The following CELSR3 variants were observed in gnomAD, a reference collection of about 807,000 sequenced individuals.
CELSR3 encodes the protein EGF-like protein 1.
A neutral mutation model predicts 270.0 loss-of-function variants in CELSR3; 73 were observed. The ratio of observed to expected loss-of-function variants is 0.27; its 90% CI spans 0.22 to 0.33. The LOEUF is 0.33. Ranked by LOEUF, CELSR3 falls within the 10% of genes least tolerant of loss-of-function variation. The pLI is 1.00. For missense variants in CELSR3, 3,614 were observed against 4,533.8 expected (o/e 0.80, Z 5.83); for synonymous variants, 1,780 against 1,905.4 (o/e 0.93, Z 1.71).
rs980807856 is a variant in CELSR3 at position 48,656,268 on chromosome 3, G to A, written c.4497C>T (p.Arg1499=). 5.2e-6 allele frequency: 8 copies of A among 1,533,094 alleles called. No individual in the cohort carries two copies. Among genetic ancestry groups the A allele is most frequent in the Admixed American group, 3.9e-5 (2 of 50,918 alleles). The allele number at this position is 1,533,094 out of a possible 1,614,324, so 95.0% of individuals were successfully genotyped here. ...TCTDAPNGGF[R]CQCPAGGAFE... ...AGGCGCCGCCTGCCGGGCACTGGCA[G>A]CGAAAGCCGCCGTTGGGCGCGTCGG... The change falls in exon 3 of 35, where the codon CGC becomes CGT. Residue 1499 remains arginine, a synonymous_variant. Transcript: ENST00000164024.
At chr3:48,649,749 G>T (rs1165776516) in intron 16 of CELSR3, among the ~76,000 whole-genome samples, 1 of 152,138 alleles carries the variant, frequency 6.6e-6, no homozygotes, top group African/African-American at 2.4e-5. Context: ...AATGAGAATT[G>T]ACTTGGATCT....
chr3:48,644,013 A>G lies in CELSR3; in HGVS notation c.8165+203T>C, dbSNP rs2047054851. The G allele has an allele frequency of 3.4e-6, 2 of 594,334 alleles. No individual in the cohort carries two copies. The highest frequency in any genetic ancestry group is 3.0e-5 in the Admixed American group (1 of 32,908). The allele number at this position is 594,334 out of a possible 1,614,324, so 36.8% of individuals were successfully genotyped here. On this transcript the variant is annotated intron_variant, in intron 27 of 34. Coordinates refer to ENST00000164024, the MANE Select transcript of CELSR3 (RefSeq NM_001407.3). The surrounding 1 kb of genome is among the most constrained non-coding windows in gnomAD (Gnocchi z 4.8). ...CTGGGGGGACCCAGAGGACAAGGAG[A>G]GACAGCAGGGCAGAAGCACATGTGG...
At position 48,642,905 on chromosome 3, in the gene CELSR3, G is replaced by A. The variant is rs2047042623; in HGVS notation, c.8407-21C>T. The A allele has an allele frequency of 6.2e-7, 1 of 1,612,346 alleles. No homozygotes were observed. The highest frequency in any genetic ancestry group is 2.2e-5 in the East Asian group (1 of 44,878). On this transcript the variant is annotated intron_variant, in intron 29 of 34. Transcript: ENST00000164024. This position sits in a 1 kb window ranked among gnomAD's most constrained non-coding sequence, Gnocchi z 6.1. ...GGTCCCTGGGGGTGGTAGGGACAGAGTGTGAGCTAACCCTGAAGCAGCCTA... is the reference window on the plus strand; with the variant it reads ...GGTCCCTGGGGGTGGTAGGGACAGAATGTGAGCTAACCCTGAAGCAGCCTA...
chr3:48,651,708 G>T lies in CELSR3; in HGVS notation c.5934C>A (p.Gly1978=). The T allele has an allele frequency of 6.4e-7, 1 of 1,551,982 alleles. No homozygotes were observed. The highest frequency in any genetic ancestry group is 8.7e-7 in the Non-Finnish European group (1 of 1,153,610). The part of the protein sequence containing the change: ...FSCTCQPGYY[G]PGCVDACLLN... ...GGAGGCAGGCATCCACACAGCCTGGGCCGTAGTAACCTGCAGATTGGGTCA... is the reference window on the plus strand; with the variant it reads ...GGAGGCAGGCATCCACACAGCCTGGTCCGTAGTAACCTGCAGATTGGGTCA... The change falls in exon 13 of 35, where the codon GGC becomes GGA. Residue 1978 remains glycine, a synonymous_variant. Transcript: ENST00000164024. The surrounding 1 kb of genome is among the most constrained non-coding windows in gnomAD (Gnocchi z 7.4).
chr3:48,639,754 A>C lies in CELSR3; in HGVS notation c.9831T>G (p.Ser3277=), dbSNP rs758898272. The change falls in exon 34 of 35, where the codon TCT becomes TCG. Residue 3277 remains serine, a synonymous_variant. Transcript: ENST00000164024. This position sits in a 1 kb window ranked among gnomAD's most constrained non-coding sequence, Gnocchi z 4.1. ...PLGPHTTATP[S]ATASVLGPST... ...AGGGCCCAAGCACAGAGGCTGTGGC[A>C]GAAGGTGTGGCAGTGGTGTGAGGGC... is the stretch of plus-strand genomic sequence containing the variant. The C allele has an allele frequency of 6.2e-7, 1 of 1,613,704 alleles. No homozygotes were observed. Among genetic ancestry groups the C allele is most frequent in the East Asian group, 2.2e-5 (1 of 44,878 alleles).
rs763316177 is a variant in CELSR3 at position 48,641,379 on chromosome 3, C to A, written c.8970G>T (p.Pro2990=). Residue 2990 remains proline (P), a synonymous_variant, in exon 33 of 35, where the codon CCG becomes CCT. Transcript: ENST00000164024. This position sits in a 1 kb window ranked among gnomAD's most constrained non-coding sequence, Gnocchi z 4.8. ...AAGTCTCATCCCCACTGGTCAGGGC[C>A]GGGTCTGGCTGGTTGTTGTTAGCTG... ...KDAANNNQPD[P]ALTSGDETSL... The A allele has an allele frequency of 3.1e-5, 50 of 1,612,606 alleles. No individual in the cohort carries two copies. The highest frequency in any genetic ancestry group is 4.2e-5 in the Non-Finnish European group (49 of 1,179,834).
rs1453765862 is a variant in CELSR3 at position 48,637,944 on chromosome 3, G to A, written c.*261C>T. 1 of 441,910 alleles carries A rather than the reference G, an allele frequency of 2.3e-6. No homozygotes were observed. The highest frequency in any genetic ancestry group is 4.1e-6 in the Non-Finnish European group (1 of 243,386). The allele number at this position is 441,910 out of a possible 1,614,324, so 27.4% of individuals were successfully genotyped here. On this transcript the variant is annotated 3_prime_UTR_variant, in exon 35 of 35. Coordinates refer to ENST00000164024, the MANE Select transcript of CELSR3 (RefSeq NM_001407.3). ...AAACCCCCCAGGAGACAGAAAAGCT[G>A]AAAAATAACATAAGCATCTCTCTGG... is the stretch of plus-strand genomic sequence containing the variant.
Position 48,639,621 on chromosome 3 carries a change from G to C in CELSR3, c.9911+53C>G. 1 of 1,590,012 alleles carries C rather than the reference G, an allele frequency of 6.3e-7. No homozygotes were observed. Among genetic ancestry groups the C allele is most frequent in the South Asian group, 1.1e-5 (1 of 87,898 alleles). On this transcript the variant is annotated intron_variant, in intron 34 of 34. Coordinates refer to ENST00000164024, the MANE Select transcript of CELSR3 (RefSeq NM_001407.3). The surrounding 1 kb of genome is among the most constrained non-coding windows in gnomAD (Gnocchi z 4.1). ...GGCAGAACACAGGGCAGGGCACACA[G>C]GAGGTTGCCCTAAGCTGATGAGGGT... is the stretch of plus-strand genomic sequence containing the variant.
At position 48,660,511 on chromosome 3, in the gene CELSR3, G is replaced by A. The variant is rs759511817; in HGVS notation, c.2124C>T (p.Val708=). ...PFVINSATGW[V]SVSGPLDRES... ...CACGGTCCAGGGGACCACTCACAGA[G>A]ACCCAGCCAGTGGCGCTGTTTATCA... The change falls in exon 1 of 35, where the codon GTC becomes GTT. Residue 708 remains valine, a synonymous_variant. Transcript: ENST00000164024. The surrounding 1 kb of genome is among the most constrained non-coding windows in gnomAD (Gnocchi z 5.5). 2 of 1,614,062 alleles carry A rather than the reference G, an allele frequency of 1.2e-6. No individual in the cohort carries two copies. The highest frequency in any genetic ancestry group is 2.7e-5 in the African/African-American group (2 of 74,924).
At position 48,651,216 on chromosome 3, in the gene CELSR3, G is replaced by T; in HGVS notation, c.6187-141C>A. 3 of 1,467,986 alleles carry T rather than the reference G, an allele frequency of 2.0e-6. No individual in the cohort carries two copies. The highest frequency in any genetic ancestry group is 2.3e-5 in the East Asian group (1 of 43,908). 90.9% of individuals were successfully genotyped at this position (1,467,986 alleles called of 1,614,324 possible). ...TGCGTGAAGCCAAGGGAGGGGTCAC[G>T]GGTAAAGGATGAGAGACAGCAACTT... On this transcript the variant is annotated intron_variant, in intron 14 of 34. Transcript: ENST00000164024. The surrounding 1 kb of genome is among the most constrained non-coding windows in gnomAD (Gnocchi z 7.4).
rs2047089736 is a variant in CELSR3 at position 48,646,913 on chromosome 3, C to A, written c.7145G>T (p.Ser2382Ile). Residue 2382 changes from serine (S) to isoleucine (I), a missense_variant, in exon 21 of 35, where the codon AGC becomes ATC. Physicochemically the swap from Ser to Ile is moderately radical, Grantham distance 142. Around this residue, in one of 7 missense-constraint regions of CELSR3, gnomAD observed 1,240 missense variants for 1,351.7 expected, o/e 0.92. Transcript: ENST00000164024. The surrounding 1 kb of genome is among the most constrained non-coding windows in gnomAD (Gnocchi z 4.8). ...PSPSEVLPTSSSIENSTTSSV... is the reference protein window; with the variant it reads ...PSPSEVLPTSISIENSTTSSV... Reference sequence around the variant, plus strand: ...TGAGGTGGTGGAGTTTTCTATGCTGCTGCTTGTGGGCAGAACTGCCAGGAG... The same window carrying A: ...TGAGGTGGTGGAGTTTTCTATGCTGATGCTTGTGGGCAGAACTGCCAGGAG... 1.3e-6 allele frequency: 2 copies of A among 1,549,646 alleles called. No homozygotes were observed. The highest frequency in any genetic ancestry group is 1.7e-6 in the Non-Finnish European group (2 of 1,153,540).
Position 48,644,354 on chromosome 3 carries a change from GGCAATGAGAGAC to G in CELSR3, c.8086-71_8086-60del. On this transcript the variant is annotated intron_variant, in intron 26 of 34. Coordinates refer to ENST00000164024, the MANE Select transcript of CELSR3 (RefSeq NM_001407.3). The surrounding 1 kb of genome is among the most constrained non-coding windows in gnomAD (Gnocchi z 4.8). ...GGGCAGAGAGAGAGAGAGAGAGAGA[GGCAATGAGAGAC>G]AGAGAGAGACTAAGATTCACGGAGA... 50 of 1,403,332 alleles carry G rather than the reference GGCAATGAGAGAC, an allele frequency of 3.6e-5. No individual in the cohort carries two copies. The highest frequency in any genetic ancestry group is 4.8e-5 in the Non-Finnish European group (48 of 995,912). 86.9% of individuals were successfully genotyped at this position (1,403,332 alleles called of 1,614,324 possible). A position where few individuals can be genotyped will look rare whatever the true frequency, so the allele number is the denominator to read the frequency against.
chr3:48,656,318 C>T lies in CELSR3; in HGVS notation c.4447G>A (p.Val1483Ile). 2 of 1,458,630 alleles carry T rather than the reference C, an allele frequency of 1.4e-6. No individual in the cohort carries two copies. The highest frequency in any genetic ancestry group is 2.8e-5 in the Admixed American group (1 of 35,284). 90.4% of individuals were successfully genotyped at this position (1,458,630 alleles called of 1,614,324 possible). Residue 1483 changes from valine (V) to isoleucine (I), a missense_variant, in exon 3 of 35, where the codon GTC becomes ATC. Transcript: ENST00000164024. ...DTEAGRCVPG[V>I]CRNGGTCTDA... Reference sequence around the variant, plus strand: ...GTGCAGGTGCCCCCGTTGCGGCAGACGCCCGGCACGCAGCGGCCGGCCTCG... The same window carrying T: ...GTGCAGGTGCCCCCGTTGCGGCAGATGCCCGGCACGCAGCGGCCGGCCTCG...
rs1283682197 is a variant in CELSR3 at position 48,640,683 on chromosome 3, C to G, written c.9026-124G>C. 22 of 1,114,994 alleles carry G rather than the reference C, an allele frequency of 2.0e-5. No homozygotes were observed. The highest frequency in any genetic ancestry group is 2.6e-5 in the Non-Finnish European group (21 of 807,482). 69.1% of individuals were successfully genotyped at this position (1,114,994 alleles called of 1,614,324 possible). On this transcript the variant is annotated intron_variant, in intron 33 of 34. Transcript: ENST00000164024. This position sits in a 1 kb window ranked among gnomAD's most constrained non-coding sequence, Gnocchi z 7.5. ...CAACACAGGGATGGGAGCAGGAACC[C>G]CTTGGGGAGCAGCAGAGGCAACCCT...
At position 48,662,677 on chromosome 3, in the gene CELSR3, C is replaced by T. The variant is rs2077078742; in HGVS notation, c.-43G>A. ...GGCCTCCACCGCCCCCCGCCCCGGT[C>T]CGGGCCTTGGGCTGGCCCCGCCGCT... On this transcript the variant is annotated 5_prime_UTR_variant, in exon 1 of 35. Coordinates refer to ENST00000164024, the MANE Select transcript of CELSR3 (RefSeq NM_001407.3). This position sits in a 1 kb window ranked among gnomAD's most constrained non-coding sequence, Gnocchi z 7.1. 9.5e-7 allele frequency: 1 copy of T among 1,051,258 alleles called. No homozygotes were observed. The highest frequency in any genetic ancestry group is 1.3e-6 in the Non-Finnish European group (1 of 790,500). 65.1% of individuals were successfully genotyped at this position (1,051,258 alleles called of 1,614,324 possible). A position where few individuals can be genotyped will look rare whatever the true frequency, so the allele number is the denominator to read the frequency against.
rs2047056615 is a variant in CELSR3, at chr3:48,644,205, A to G, written c.8165+11T>C. 6.2e-7 allele frequency: 1 copy of G among 1,601,288 alleles called. No homozygotes were observed. ...CCTGAGAAGCCCCCTTCCTCCAGCC[A>G]GCCAACTCACAGTGCAGAGGTCTTC... On this transcript the variant is annotated intron_variant, in intron 27 of 34. Transcript: ENST00000164024. This position sits in a 1 kb window ranked among gnomAD's most constrained non-coding sequence, Gnocchi z 4.8.
In CELSR3 at chr3:48,642,480, G is replaced by A; in HGVS notation, c.8556-13C>T. The A allele has an allele frequency of 6.2e-7, 1 of 1,610,306 alleles. No individual in the cohort carries two copies. The highest frequency in any genetic ancestry group is 8.5e-7 in the Non-Finnish European group (1 of 1,178,470). On this transcript the variant is annotated splice_polypyrimidine_tract_variant and intron_variant, in intron 30 of 34. Transcript: ENST00000164024. The surrounding 1 kb of genome is among the most constrained non-coding windows in gnomAD (Gnocchi z 6.1). The stretch of plus-strand genomic sequence containing the variant: ...CAGGACATTGTCCCTGGAAAAGCAG[G>A]AGCCCCCCCACCATGAAAGAGGGAT...
At position 48,659,411 on chromosome 3, in the gene CELSR3, C is replaced by G. The variant is rs368443183; in HGVS notation, c.3224G>C (p.Arg1075Pro). 6.2e-7 allele frequency: 1 copy of G among 1,614,094 alleles called. No homozygotes were observed. Among genetic ancestry groups the G allele is most frequent in the Non-Finnish European group, 8.5e-7 (1 of 1,180,050 alleles). ...GCCCACAATGCTATTCTCTTTCACC[C>G]GCACCTCAAACTCCTCAGCTGGGAA... ...PVFPAEEFEV[R>P]VKENSIVGSV... Residue 1075 changes from arginine (R) to proline (P), a missense_variant, in exon 1 of 35, where the codon CGG becomes CCG. This residue lies in a region of CELSR3 where 1,331 missense variants were observed against 1,933.7 expected (regional missense o/e 0.69). Coordinates refer to ENST00000164024, the MANE Select transcript of CELSR3 (RefSeq NM_001407.3). The surrounding 1 kb of genome is among the most constrained non-coding windows in gnomAD (Gnocchi z 8.1).
At position 48,661,102 on chromosome 3, in the gene CELSR3, C is replaced by G. The variant is rs1210312551; in HGVS notation, c.1533G>C (p.Leu511=). 1 of 1,613,042 alleles carries G rather than the reference C, an allele frequency of 6.2e-7. No individual in the cohort carries two copies. The highest frequency in any genetic ancestry group is 8.5e-7 in the Non-Finnish European group (1 of 1,179,810). ...GGCCCTGGTCGCTGGCTTCCACCAC[C>G]AGCTCATAGCTTTCCATGTGCTCGC... is the stretch of plus-strand genomic sequence containing the variant. ...VDREHMESYE[L]VVEASDQGQE... is the part of the protein sequence containing the mutation. The change falls in exon 1 of 35, where the codon CTG becomes CTC. Residue 511 remains leucine (L), a synonymous_variant. Transcript: ENST00000164024.
Sources: gnomAD v4.1 joint callset for allele counts (sites outside exome capture counted in the v4.1 genomes callset) on GRCh38, gnomAD v4.1.1 for gene constraint, gnomAD v4.1.1 regional missense constraint, Gnocchi (gnomAD v3.1) non-coding constraint, MANE v1.5 for transcripts, NCBI Gene and HGNC (gene_info 2026-07-23, HGNC 2026-07-21) for gene names.